CACHD1: variants seen among roughly 807,000 people sequenced by gnomAD.
The protein encoded by CACHD1 is cache domain containing 1.
CACHD1 carries 71 observed loss-of-function variants against 138.7 expected under a neutral mutation model. That is an observed-to-expected ratio of 0.51 (90% CI 0.42 to 0.62). The LOEUF is 0.62. Among genes scored for constraint, CACHD1 ranks in the 20% least tolerant of loss-of-function variants. The probability of loss-of-function intolerance (pLI) is 0.00; values close to 1 mark genes in which losing one functional copy is unlikely to be tolerated. For missense variants in CACHD1, 1,389 were observed against 1,625.3 expected (o/e 0.85, Z 2.50); for synonymous variants, 578 against 591.5 (o/e 0.98, Z 0.33).
intron 21 of CACHD1, 120 bp downstream of exon 21, chr1:64,676,103 A>C (rs572826315): frequency 6.0e-6 from 2 of 334,054 alleles, no homozygotes; most frequent in Non-Finnish European, 1.0e-5. Flanking sequence ...AAGATGATTC[A>C]TTCTAATGAT....
At chr1:64,522,570 GTGTT>G (rs1278857958) in intron 1 of CACHD1, among the ~76,000 whole-genome samples, 1 of 23,246 alleles carries the variant, frequency 4.3e-5, no homozygotes, top group East Asian at 4.3e-3. Flanking sequence ...GCCTCCCAAA[GTGTT>G]GGGATTACAG....
At chr1:64,517,151 G>A (rs976732259) in intron 1 of CACHD1, among the ~76,000 whole-genome samples, 1 of 152,152 alleles carries the variant, frequency 6.6e-6, no homozygotes, top group Non-Finnish European at 1.5e-5. Context: ...GTGACATCTC[G>A]TTTATTCAAC....
In CACHD1 at chr1:64,635,332, C is replaced by T. The variant is rs78435359; in HGVS notation, c.1006+1072C>T. ...ATCCTTCCTTCTTCTAACCAGCTGT[C>T]ATTTAGATGAGCATGGCCCTTCAGA... is the stretch of plus-strand genomic sequence containing the variant. On this transcript the variant is annotated intron_variant, in intron 7 of 26. Coordinates refer to ENST00000651257, the MANE Select transcript of CACHD1 (RefSeq NM_020925.4). Among the ~76,000 whole-genome samples the T allele has an allele frequency of 4.6e-3, 695 of 151,062 alleles. 16 individuals carry two copies. The East Asian group carries it at 0.056, about 12-fold the overall frequency.
intron 26 of CACHD1, among the ~76,000 whole-genome samples, chr1:64,682,478 C>T (rs12752608): frequency 0.021 from 3,183 of 152,232 alleles, 56 homozygotes; most frequent in Middle Eastern, 0.048. Flanking sequence ...TGCTGTCCTC[C>T]AGCATTCTCT....
intron 1 of CACHD1, among the ~76,000 whole-genome samples, chr1:64,478,532 T>G (rs886660516): frequency 3.9e-5 from 6 of 152,188 alleles, no homozygotes; most frequent in Non-Finnish European, 8.8e-5. Context: ...TTCTGATCAG[T>G]CTGTCAGCAA....
chr1:64,664,425 A>G (rs1649558582), intron 14 of CACHD1, 73 bp from the exon 15 acceptor site: 3 of 1,448,038 alleles, frequency 2.1e-6, no homozygotes, highest in Non-Finnish European at 2.9e-6. Context: ...AGCTTTGGGA[A>G]CACTGCCAGC....
intron 1 of CACHD1, among the ~76,000 whole-genome samples, chr1:64,487,898 A>C (rs1206097330): frequency 6.6e-6 from 1 of 152,202 alleles, no homozygotes; most frequent in Non-Finnish European, 1.5e-5. Context: ...ACATTTTACA[A>C]ACATATTACT....
intron 1 of CACHD1, among the ~76,000 whole-genome samples, chr1:64,500,022 T>C (rs548998454): frequency 6.6e-6 from 1 of 152,328 alleles, no homozygotes; most frequent in South Asian, 2.1e-4. Flanking sequence ...TACACATCTT[T>C]CTGGTTTAAT....
At chr1:64,621,526 A>T (rs113650341) in intron 4 of CACHD1, among the ~76,000 whole-genome samples, 1 of 152,208 alleles carries the variant, frequency 6.6e-6, no homozygotes, top group African/African-American at 2.4e-5. Context: ...TAAAGAATAC[A>T]CAGGACGTTA....
At chr1:64,623,460 C>A (rs181256290) in intron 4 of CACHD1, among the ~76,000 whole-genome samples, 1 of 24,552 alleles carries the variant, frequency 4.1e-5, no homozygotes, top group Non-Finnish European at 1.0e-4. Context: ...CACAAACATA[C>A]AGATCATCCC....
At chr1:64,652,415 A>G in intron 10 of CACHD1, 105 bp downstream of exon 10, 1 of 1,053,762 alleles carries the variant, frequency 9.5e-7, no homozygotes, top group Non-Finnish European at 1.3e-6. Flanking sequence ...TGTAAAGAAG[A>G]GCATTGTGAC....
intron 1 of CACHD1, among the ~76,000 whole-genome samples, chr1:64,472,003 C>A (rs1646148322): frequency 6.6e-6 from 1 of 152,092 alleles, no homozygotes; most frequent in Non-Finnish European, 1.5e-5. Flanking sequence ...GATAAAATAA[C>A]ACCATTCTCT....
intron 3 of CACHD1, among the ~76,000 whole-genome samples, chr1:64,591,787 G>A (rs1342135250): frequency 6.6e-6 from 1 of 152,162 alleles, no homozygotes. Flanking sequence ...GAAGAGGGAG[G>A]AATCATAGGT....
chr1:64,575,962 G>T (rs1570382104), intron 2 of CACHD1, among the ~76,000 whole-genome samples: 1 of 152,320 alleles, frequency 6.6e-6, no homozygotes, highest in African/African-American at 2.4e-5. Flanking sequence ...CAGCAAGAAA[G>T]AAATTCATTG....
chr1:64,636,750 T>A (rs1381310905), intron 7 of CACHD1, among the ~76,000 whole-genome samples: 7 of 152,214 alleles, frequency 4.6e-5, no homozygotes, highest in Admixed American at 1.3e-4. Context: ...TTAATCAGAT[T>A]ACTCTCGCTT....
At chr1:64,671,462 G>A in intron 16 of CACHD1, 102 bp from the exon 17 acceptor site, 1 of 1,218,420 alleles carries the variant, frequency 8.2e-7, no homozygotes, top group Non-Finnish European at 1.2e-6. Flanking sequence ...AGGAACAGTG[G>A]GAAGGTATTT....
intron 12 of CACHD1, 22 bp from the exon 13 acceptor site, chr1:64,658,683 A>T: frequency 6.3e-7 from 1 of 1,578,280 alleles, no homozygotes; most frequent in Non-Finnish European, 8.6e-7. Flanking sequence ...CTAGGTCAGA[A>T]ATTCTTTATT....
At chr1:64,682,275 C>T (rs2100740147) in intron 26 of CACHD1, among the ~76,000 whole-genome samples, 169 bp downstream of exon 26, 1 of 152,292 alleles carries the variant, frequency 6.6e-6, no homozygotes, top group Middle Eastern at 3.4e-3. Context: ...CTCCTCTGGG[C>T]ACACAGATTG....
At chr1:64,603,323 C>G (rs1322183360) in intron 4 of CACHD1, among the ~76,000 whole-genome samples, 1 of 151,910 alleles carries the variant, frequency 6.6e-6, no homozygotes, top group Non-Finnish European at 1.5e-5. Flanking sequence ...CCAGGATGGT[C>G]TCAATCTCCT....
Sources: allele counts gnomAD v4.1 joint callset (sites outside exome capture counted in the v4.1 genomes callset), GRCh38; gene constraint gnomAD v4.1.1; transcripts MANE v1.5; gene names NCBI Gene and HGNC (gene_info 2026-07-23, HGNC 2026-07-21).